The following ITPR2 variants were observed in gnomAD, a reference collection of about 807,000 sequenced individuals.
ITPR2 encodes the protein inositol 1,4,5-trisphosphate receptor type 2, also known as inositol 1,4,5-trisphosphate-gated calcium channel ITPR2.
In ITPR2, 207 loss-of-function variants were observed where a neutral mutation model predicts 317.1. The observed-to-expected ratio is 0.65, with a 90% confidence interval of 0.58 to 0.73. The LOEUF is 0.73. Among genes scored for constraint, ITPR2 ranks in the 30% least tolerant of loss-of-function variants. The pLI, the probability that ITPR2 is intolerant of heterozygous loss-of-function variation, is 0.00. For synonymous variants in ITPR2, 1,156 were observed against 1,149.1 expected (o/e 1.01, Z -0.12); for missense variants, 2,613 against 3,284.0 (o/e 0.80, Z 4.99).
intron 37 of ITPR2, among the ~76,000 whole-genome samples, chr12:26,501,267 G>C (rs536035902): frequency 3.3e-5 from 5 of 152,274 alleles, no homozygotes; most frequent in African/African-American, 1.2e-4. Context: ...CAATACGTCT[G>C]ATTAGGTATT....
At chr12:26,401,910 A>C (rs1340640100) in intron 52 of ITPR2, among the ~76,000 whole-genome samples, 1 of 152,218 alleles carries the variant, frequency 6.6e-6, no homozygotes, top group Non-Finnish European at 1.5e-5. Flanking sequence ...TCAGAGATGA[A>C]GGTGCAAGTG....
At chr12:26,628,666 TTG>T (rs1946678842) in intron 22 of ITPR2, among the ~76,000 whole-genome samples, 1 of 152,180 alleles carries the variant, frequency 6.6e-6, no homozygotes, top group South Asian at 2.1e-4. Context: ...TCACTGGTGT[TTG>T]TGTTTCCTTG....
intron 30 of ITPR2, among the ~76,000 whole-genome samples, chr12:26,598,350 T>C (rs1292551387): frequency 6.6e-6 from 1 of 152,204 alleles, no homozygotes; most frequent in African/African-American, 2.4e-5. Flanking sequence ...CATTCCCAAA[T>C]TTAAGGTATG....
At chr12:26,397,022 T>A (rs1034923059) in intron 54 of ITPR2, among the ~76,000 whole-genome samples, 4 of 152,228 alleles carry the variant, frequency 2.6e-5, no homozygotes, top group Middle Eastern at 3.4e-3. Context: ...AATGACCTCC[T>A]ACCTGATGAC....
rs28419242 is a variant in ITPR2, at chr12:26,816,179, C to T, written c.92+16511G>A. ...CTTTTTAACATCAATGTAATATTAA[C>T]TTAGCCAAGCTTCCAAAAAGAAACT... On this transcript the variant is annotated intron_variant, in intron 1 of 56. Coordinates refer to ENST00000381340, the MANE Select transcript of ITPR2 (RefSeq NM_002223.4). Among the ~76,000 whole-genome samples, 147 of 145,176 alleles carry T rather than the reference C, an allele frequency of 1.0e-3. 1 individual carries two copies. The highest frequency in any genetic ancestry group is 3.6e-3 in the African/African-American group (143 of 39,930).
At chr12:26,745,325 A>T (rs938038852) in intron 2 of ITPR2, among the ~76,000 whole-genome samples, 5 of 152,246 alleles carry the variant, frequency 3.3e-5, no homozygotes, top group African/African-American at 1.2e-4. Context: ...GCACATGGTG[A>T]TGTTCCCACT....
intron 10 of ITPR2, among the ~76,000 whole-genome samples, chr12:26,694,557 C>T (rs1304858516): frequency 6.6e-6 from 1 of 152,190 alleles, no homozygotes; most frequent in Non-Finnish European, 1.5e-5. Flanking sequence ...ATAAACCCAA[C>T]TTGTTCAACT....
At chr12:26,731,140 T>G (rs1336227883) in intron 2 of ITPR2, among the ~76,000 whole-genome samples, 1 of 152,184 alleles carries the variant, frequency 6.6e-6, no homozygotes, top group South Asian at 2.1e-4. Flanking sequence ...AAATTGGTTT[T>G]TAATTTCTCC....
intron 52 of ITPR2, among the ~76,000 whole-genome samples, chr12:26,410,196 T>C (rs1258566936): frequency 1.3e-5 from 2 of 152,142 alleles, no homozygotes; most frequent in Non-Finnish European, 2.9e-5. Flanking sequence ...TTTTAGAAAC[T>C]GCAGAGCACA....
intron 45 of ITPR2, among the ~76,000 whole-genome samples, chr12:26,446,187 C>T (rs929667994): frequency 1.3e-4 from 20 of 151,982 alleles, no homozygotes; most frequent in African/African-American, 4.1e-4. Flanking sequence ...GGAAAGTACA[C>T]GGACTTGGGA....
At chr12:26,736,508 T>C (rs1291741082) in intron 2 of ITPR2, among the ~76,000 whole-genome samples, 1 of 152,168 alleles carries the variant, frequency 6.6e-6, no homozygotes, top group Admixed American at 6.5e-5. Context: ...TATTAGCAAT[T>C]AGTATTTTAA....
At chr12:26,762,041 A>G (rs1949643903) in intron 2 of ITPR2, among the ~76,000 whole-genome samples, 1 of 152,214 alleles carries the variant, frequency 6.6e-6, no homozygotes, top group African/African-American at 2.4e-5. Flanking sequence ...CTACTCAGTC[A>G]AAGAAACATG....
chr12:26,463,627 T>C (rs1016976986), intron 45 of ITPR2, among the ~76,000 whole-genome samples: 6 of 151,724 alleles, frequency 4.0e-5, no homozygotes, highest in African/African-American at 1.5e-4. Flanking sequence ...ATCGCACCAC[T>C]GCACTCCAGC....
intron 13 of ITPR2, among the ~76,000 whole-genome samples, chr12:26,669,862 G>A (rs1054494904): frequency 5.3e-5 from 8 of 152,230 alleles, no homozygotes; most frequent in Non-Finnish European, 8.8e-5. Context: ...GCGCTTTTCC[G>A]ACGGGCTTAA....
At chr12:26,534,090 C>T (rs1254158293) in intron 37 of ITPR2, among the ~76,000 whole-genome samples, 2 of 152,202 alleles carry the variant, frequency 1.3e-5, no homozygotes, top group Non-Finnish European at 2.9e-5. Context: ...CTCCTAACCC[C>T]GTGGAGACAC....
chr12:26,622,607 C>T (rs1946525726), intron 24 of ITPR2, among the ~76,000 whole-genome samples: 1 of 152,150 alleles, frequency 6.6e-6, no homozygotes, highest in Non-Finnish European at 1.5e-5. Context: ...TCCATGAAAG[C>T]AGGGGTGATC....
At chr12:26,625,211 G>A (rs934566484) in intron 23 of ITPR2, among the ~76,000 whole-genome samples, 2 of 151,964 alleles carry the variant, frequency 1.3e-5, no homozygotes, top group Non-Finnish European at 2.9e-5. Context: ...TGGGGTGGGC[G>A]GAGTGGGGAT....
At chr12:26,691,421 TTAAA>T (rs1948238537) in intron 10 of ITPR2, among the ~76,000 whole-genome samples, 2 of 152,118 alleles carry the variant, frequency 1.3e-5, no homozygotes, top group African/African-American at 4.8e-5. Flanking sequence ...ACGACAGAAC[TTAAA>T]CAGGTATTAA....
At chr12:26,532,060 T>C (rs1943959669) in intron 37 of ITPR2, among the ~76,000 whole-genome samples, 1 of 152,246 alleles carries the variant, frequency 6.6e-6, no homozygotes. Flanking sequence ...TGTGAAAGGA[T>C]ATTTACAAAA....
Sources: allele counts gnomAD v4.1 joint callset (sites outside exome capture counted in the v4.1 genomes callset), GRCh38; gene constraint gnomAD v4.1.1; transcripts MANE v1.5; gene names NCBI Gene and HGNC (gene_info 2026-07-23, HGNC 2026-07-21).